PACRG: variants seen among roughly 807,000 people sequenced by gnomAD.
PACRG encodes parkin coregulated, also known as parkin coregulated gene protein.
In PACRG, 29 loss-of-function variants were observed where a neutral mutation model predicts 29.7. The ratio of observed to expected loss-of-function variants is 0.98; its 90% confidence interval spans 0.73 to 1.33. PACRG has a LOEUF of 1.33. Among genes scored for constraint, PACRG ranks in the 40% most tolerant of loss-of-function variants. The pLI is 0.00. For missense variants in PACRG, 279 were observed against 316.2 expected (o/e 0.88, Z 0.89); for synonymous variants, 116 against 118.7 (o/e 0.98, Z 0.15).
intron 4 of PACRG, among the ~76,000 whole-genome samples, chr6:163,178,332 A>C (rs1478110417): frequency 6.6e-6 from 1 of 152,172 alleles, no homozygotes; most frequent in Non-Finnish European, 1.5e-5. Context: ...TGCTGATCTT[A>C]TGGTCAGAGG....
intron 4 of PACRG, among the ~76,000 whole-genome samples, chr6:163,225,416 C>T (rs1005001533): frequency 1.6e-4 from 24 of 152,174 alleles, no homozygotes; most frequent in East Asian, 7.7e-4. Context: ...TCTCACCTGC[C>T]ACCATGTAAG....
At chr6:162,812,424 C>G (rs1786956103) in intron 1 of PACRG, among the ~76,000 whole-genome samples, 1 of 152,156 alleles carries the variant, frequency 6.6e-6, no homozygotes, top group Non-Finnish European at 1.5e-5. Context: ...CACTATTGCA[C>G]ATAATTTACT....
At chr6:163,305,103 C>G (rs1322804564) in intron 4 of PACRG, among the ~76,000 whole-genome samples, 1 of 152,244 alleles carries the variant, frequency 6.6e-6, no homozygotes, top group Admixed American at 6.5e-5. Flanking sequence ...ACACTCGGTG[C>G]CTGTGCTCCT....
At chr6:162,845,386 T>G (rs1168904070) in intron 2 of PACRG, among the ~76,000 whole-genome samples, 1 of 152,054 alleles carries the variant, frequency 6.6e-6, no homozygotes, top group East Asian at 1.9e-4. Context: ...CATCAATTTT[T>G]TTTTCTTTTT....
At chr6:163,216,914 C>G (rs1364182735) in intron 4 of PACRG, among the ~76,000 whole-genome samples, 2 of 152,218 alleles carry the variant, frequency 1.3e-5, no homozygotes, top group African/African-American at 2.4e-5. Flanking sequence ...CTTGCATTGT[C>G]TAATTAAATC....
intron 4 of PACRG, chr6:163,179,393 T>TA: frequency 6.8e-6 from 1 of 148,096 alleles, no homozygotes; most frequent in Non-Finnish European, 1.4e-5. Context: ...GTTCTTTAAA[T>TA]TAAAAAAAAA....
At chr6:163,177,709 G>GTTTTTTTTTTTT (rs1562951194) in intron 4 of PACRG, among the ~76,000 whole-genome samples, 13 of 33,662 alleles carry the variant, frequency 3.9e-4, no homozygotes, top group Non-Finnish European at 6.5e-4. Context: ...TTAGAAAAGG[G>GTTTTTTTTTTTT]ATTTTTTTTT....
chr6:163,008,736 T>A (rs1805354562), intron 2 of PACRG, among the ~76,000 whole-genome samples: 1 of 150,728 alleles, frequency 6.6e-6, no homozygotes, highest in Non-Finnish European at 1.5e-5. Context: ...TCTCAAGTTC[T>A]GACCTGGGAC....
At chr6:162,886,745 A>G (rs183366018) in intron 2 of PACRG, among the ~76,000 whole-genome samples, 1 of 152,302 alleles carries the variant, frequency 6.6e-6, no homozygotes, top group Non-Finnish European at 1.5e-5. Flanking sequence ...GTGTGTCAGT[A>G]TCTCTTCTAA....
chr6:163,239,646 C>T (rs1464216875), intron 4 of PACRG, among the ~76,000 whole-genome samples: 1 of 150,922 alleles, frequency 6.6e-6, no homozygotes, highest in Non-Finnish European at 1.5e-5. Flanking sequence ...CACGGCTGCC[C>T]CAACCCCTAC....
chr6:163,271,846 A>C (rs2128180385), intron 4 of PACRG, among the ~76,000 whole-genome samples: 1 of 152,338 alleles, frequency 6.6e-6, no homozygotes, highest in African/African-American at 2.4e-5. Context: ...TTTAAATGTA[A>C]AAATTAACTT....
At chr6:163,252,949 C>T (rs1367833094) in intron 4 of PACRG, among the ~76,000 whole-genome samples, 3 of 152,150 alleles carry the variant, frequency 2.0e-5, no homozygotes, top group Admixed American at 2.0e-4. Flanking sequence ...TTCTCCATTG[C>T]TGCTTTGACC....
chr6:162,797,279 C>G (rs1584388722), intron 1 of PACRG, among the ~76,000 whole-genome samples: 1 of 151,876 alleles, frequency 6.6e-6, no homozygotes, highest in Non-Finnish European at 1.5e-5. Flanking sequence ...AAAACCAAAC[C>G]AAACAAAAAA....
intron 2 of PACRG, among the ~76,000 whole-genome samples, chr6:162,910,088 C>T (rs1241641568): frequency 6.6e-6 from 1 of 152,184 alleles, no homozygotes; most frequent in African/African-American, 2.4e-5. Context: ...TTCTGTGCCT[C>T]TGTTTTCTCA....
intron 4 of PACRG, among the ~76,000 whole-genome samples, chr6:163,231,664 C>T (rs1206189457): frequency 6.6e-6 from 1 of 152,166 alleles, no homozygotes; most frequent in Non-Finnish European, 1.5e-5. Context: ...GCATGCCTTC[C>T]CCAGGACCAG....
chr6:162,763,617 C>A (rs1187536882), intron 1 of PACRG, among the ~76,000 whole-genome samples: 1 of 152,088 alleles, frequency 6.6e-6, no homozygotes, highest in Non-Finnish European at 1.5e-5. Context: ...TATTGATAAG[C>A]TAATAATTGT....
chr6:163,285,363 C>A (rs981572915), intron 4 of PACRG, among the ~76,000 whole-genome samples: 6 of 152,152 alleles, frequency 3.9e-5, no homozygotes, highest in African/African-American at 1.4e-4. Flanking sequence ...AGCACCCCCA[C>A]CCCGCCAGCC....
chr6:163,223,406 A>G (rs1276538171), intron 4 of PACRG, among the ~76,000 whole-genome samples: 1 of 152,216 alleles, frequency 6.6e-6, no homozygotes, highest in Non-Finnish European at 1.5e-5. Context: ...AAAATGAAAA[A>G]TAAAAAATAA....
chr6:163,009,263 C>T (rs749767377), intron 2 of PACRG, among the ~76,000 whole-genome samples: 2 of 152,064 alleles, frequency 1.3e-5, no homozygotes, highest in African/African-American at 2.4e-5. Context: ...TTCATGTGAC[C>T]ATAAATAATG....
Sources: allele counts gnomAD v4.1 joint callset (sites outside exome capture counted in the v4.1 genomes callset), GRCh38; gene constraint gnomAD v4.1.1; transcripts MANE v1.5; gene names NCBI Gene and HGNC (gene_info 2026-07-23, HGNC 2026-07-21).